The following CNTN4 variants were observed in gnomAD, a reference collection of about 807,000 sequenced individuals.
CNTN4 encodes contactin-4.
In CNTN4, 77 loss-of-function variants were observed where a neutral mutation model predicts 122.5. The observed-to-expected ratio is 0.63, with a 90% CI of 0.52 to 0.76. The LOEUF (loss-of-function observed/expected upper bound fraction) is 0.76, where lower values mean the gene tolerates loss of function less well. CNTN4 is among the 30% of genes least tolerant of loss of function. CNTN4 has a pLI of 0.00. For missense variants in CNTN4, 1,256 were observed against 1,259.1 expected (o/e 1.00, Z 0.04); for synonymous variants, 512 against 447.0 (o/e 1.15, Z -1.83).
chr3:2,561,547 A>G (rs1004582235), intron 3 of CNTN4, among the ~76,000 whole-genome samples: 5 of 152,046 alleles, frequency 3.3e-5, no homozygotes, highest in Admixed American at 6.6e-5. Context: ...GTCTCCCAGA[A>G]CCAGATCCTT....
chr3:3,030,744 C>T (rs2125673944), intron 15 of CNTN4, 111 bp from the exon 16 acceptor site: 1 of 1,283,750 alleles, frequency 7.8e-7, no homozygotes, highest in Non-Finnish European at 1.1e-6. Context: ...ATCACTAATG[C>T]TTTCATCAGC....
At chr3:2,181,072 AC>A (rs1405081148) in intron 2 of CNTN4, among the ~76,000 whole-genome samples, 1 of 152,116 alleles carries the variant, frequency 6.6e-6, no homozygotes, top group Non-Finnish European at 1.5e-5. Context: ...TTATCTGCTG[AC>A]ATAAAATGTT....
At chr3:2,820,060 T>C (rs2092828909) in intron 7 of CNTN4, among the ~76,000 whole-genome samples, 1 of 152,188 alleles carries the variant, frequency 6.6e-6, no homozygotes, top group Admixed American at 6.5e-5. Flanking sequence ...AACGATTCAA[T>C]TCCATTTTGA....
intron 3 of CNTN4, among the ~76,000 whole-genome samples, chr3:2,411,007 C>G (rs1025757914): frequency 2.6e-5 from 4 of 152,164 alleles, no homozygotes; most frequent in Admixed American, 1.3e-4. Flanking sequence ...CAGACAAATG[C>G]AATATTTCAA....
chr3:2,664,377 TGG>T (rs1559361794), intron 4 of CNTN4, among the ~76,000 whole-genome samples: 11 of 152,106 alleles, frequency 7.2e-5, no homozygotes, highest in Non-Finnish European at 1.3e-4. Flanking sequence ...TATTTGCAGA[TGG>T]TCACATTCTT....
chr3:2,287,454 T>C (rs190873898), intron 2 of CNTN4, among the ~76,000 whole-genome samples: 55 of 151,652 alleles, frequency 3.6e-4, no homozygotes, highest in African/African-American at 1.2e-3. Context: ...TCACCAAAAT[T>C]AGCAGGGCAT....
chr3:2,741,114 G>C (rs2089433704), intron 5 of CNTN4, among the ~76,000 whole-genome samples: 1 of 152,212 alleles, frequency 6.6e-6, no homozygotes, highest in South Asian at 2.1e-4. Flanking sequence ...CTATTAAGCA[G>C]CTGCAATGTA....
intron 4 of CNTN4, among the ~76,000 whole-genome samples, chr3:2,702,407 A>G (rs942566489): frequency 6.6e-6 from 1 of 152,250 alleles, no homozygotes; most frequent in African/African-American, 2.4e-5. Flanking sequence ...AACAAATGTG[A>G]TGTAGCATAT....
At position 3,009,651 on chromosome 3, in the gene CNTN4, T is replaced by C. The variant is rs574974463; in HGVS notation, c.1487-16451T>C. Among the ~76,000 whole-genome samples, 6 of 152,208 alleles carry C rather than the reference T, an allele frequency of 3.9e-5. No homozygotes were observed. In the South Asian group the frequency reaches 6.2e-4, roughly 16 times the overall value. ...GGTTTCACCGTGTTAGCCAGGATGGTCTCGATCTCCTGACCTCGTGATCTG... is the reference window on the plus strand; with the variant it reads ...GGTTTCACCGTGTTAGCCAGGATGGCCTCGATCTCCTGACCTCGTGATCTG... On this transcript the variant is annotated intron_variant, in intron 14 of 24. Coordinates refer to ENST00000418658, the MANE Select transcript of CNTN4 (RefSeq NM_175607.3).
chr3:2,360,822 G>C (rs969895236), intron 3 of CNTN4, among the ~76,000 whole-genome samples: 1 of 152,110 alleles, frequency 6.6e-6, no homozygotes, highest in African/African-American at 2.4e-5. Flanking sequence ...ATGACACATG[G>C]GGATTATGGG....
At chr3:2,377,241 G>A (rs2045855853) in intron 3 of CNTN4, among the ~76,000 whole-genome samples, 1 of 152,068 alleles carries the variant, frequency 6.6e-6, no homozygotes, top group South Asian at 2.1e-4. Flanking sequence ...TGAACATGAT[G>A]GCATTATTAG....
chr3:2,812,044 A>C (rs1248767756), intron 6 of CNTN4, among the ~76,000 whole-genome samples: 2 of 152,176 alleles, frequency 1.3e-5, no homozygotes, highest in East Asian at 3.8e-4. Context: ...GAAATACCAC[A>C]TGTCCTCACT....
At chr3:2,926,489 A>C (rs191322988) in intron 13 of CNTN4, among the ~76,000 whole-genome samples, 54 of 152,268 alleles carry the variant, frequency 3.5e-4, no homozygotes, top group African/African-American at 1.3e-3. Context: ...ACCCCTGTAA[A>C]ATATCCCCTA....
At chr3:2,167,184 G>T (rs1032451029) in intron 2 of CNTN4, among the ~76,000 whole-genome samples, 11 of 152,100 alleles carry the variant, frequency 7.2e-5, no homozygotes, top group African/African-American at 2.6e-4. Flanking sequence ...TTTAAAAGAA[G>T]ACTTTTTTTT....
At chr3:2,758,517 CTTT>C (rs34531341) in intron 6 of CNTN4, among the ~76,000 whole-genome samples, 1 of 124,256 alleles carries the variant, frequency 8.0e-6, no homozygotes. Context: ...CAACACCATA[CTTT>C]TTTTTTTTTT....
intron 2 of CNTN4, among the ~76,000 whole-genome samples, chr3:2,162,625 C>T (rs970842689): frequency 6.6e-6 from 1 of 152,046 alleles, no homozygotes; most frequent in Non-Finnish European, 1.5e-5. Flanking sequence ...ATGTGTCATT[C>T]AAATTTAGGG....
At chr3:2,902,822 TAAAGTCTCAGTTGTAG>T (rs2094189322) in intron 11 of CNTN4, 38 bp from the exon 12 acceptor site, 3 of 1,585,184 alleles carry the variant, frequency 1.9e-6, no homozygotes, top group Admixed American at 3.5e-5. Flanking sequence ...AAAATTGCCT[TAAAGTCTCAGTTGTAG>T]AAGGTCATTG....
intron 6 of CNTN4, among the ~76,000 whole-genome samples, chr3:2,749,690 A>G (rs941278087): frequency 1.3e-5 from 2 of 152,134 alleles, no homozygotes; most frequent in African/African-American, 2.4e-5. Flanking sequence ...AGGGTGATGT[A>G]TTTTTATATA....
chr3:2,365,825 A>G (rs925247926), intron 3 of CNTN4, among the ~76,000 whole-genome samples: 2 of 152,228 alleles, frequency 1.3e-5, no homozygotes, highest in African/African-American at 2.4e-5. Flanking sequence ...ATGCTAGGAA[A>G]AAACAAAACG....
Sources: gnomAD v4.1 joint callset for allele counts (sites outside exome capture counted in the v4.1 genomes callset) on GRCh38, gnomAD v4.1.1 for gene constraint, MANE v1.5 for transcripts, NCBI Gene and HGNC (gene_info 2026-07-23, HGNC 2026-07-21) for gene names.